FBXO4: variants seen among roughly 807,000 people sequenced by gnomAD.
The protein encoded by FBXO4 is F-box only protein 4.
A neutral mutation model predicts 43.7 loss-of-function variants in FBXO4; 36 were observed. The ratio of observed to expected loss-of-function variants is 0.82; its 90% CI spans 0.63 to 1.09. The LOEUF is 1.09. Ranked by LOEUF, FBXO4 falls within the 50% of genes least tolerant of loss-of-function variation. FBXO4 has a pLI of 0.00. For synonymous variants in FBXO4, 180 were observed against 165.6 expected (o/e 1.09, Z -0.67); for missense variants, 435 against 474.1 (o/e 0.92, Z 0.77).
At chr5:42,001,770 C>G in the FBXO4 span, among the ~76,000 whole-genome samples, 1 of 152,202 alleles carries the variant, frequency 6.6e-6, no homozygotes, top group Non-Finnish European at 1.5e-5. Context: ...CAACTCACTA[C>G]AAACTCTGCC....
chr5:41,930,674 T>TTTC (rs1751660324), intron 3 of FBXO4, among the ~76,000 whole-genome samples: 1 of 135,842 alleles, frequency 7.4e-6, no homozygotes, highest in African/African-American at 3.7e-5. Context: ...TTCTTTCTTT[T>TTTC]TTTTTTTTTT....
At chr5:42,037,029 G>A in the FBXO4 span, among the ~76,000 whole-genome samples, 6 of 152,118 alleles carry the variant, frequency 3.9e-5, no homozygotes, top group South Asian at 2.1e-4. Context: ...AAAAGGGAGC[G>A]CTCTCCAGCA....
intron 3 of FBXO4, among the ~76,000 whole-genome samples, chr5:41,930,678 T>C (rs1467877571): frequency 1.3e-5 from 2 of 150,928 alleles, no homozygotes; most frequent in African/African-American, 4.9e-5. Flanking sequence ...TTCTTTTTTT[T>C]TTTTTTTGAG....
chr5:41,995,873 A>G, the FBXO4 span, among the ~76,000 whole-genome samples: 2 of 152,330 alleles, frequency 1.3e-5, no homozygotes, highest in South Asian at 4.1e-4. Flanking sequence ...CTTTCTATGC[A>G]AAGTGCACAA....
At chr5:41,967,210 TGGCA>T in the FBXO4 span, 3 of 490,870 alleles carry the variant, frequency 6.1e-6, no homozygotes, top group Non-Finnish European at 1.2e-5. Flanking sequence ...TTTTTTTTTG[TGGCA>T]ATTATGGTAT....
the FBXO4 span, among the ~76,000 whole-genome samples, chr5:42,032,422 GCTGAGCTGGCA>G: frequency 6.6e-6 from 1 of 152,122 alleles, no homozygotes; most frequent in Non-Finnish European, 1.5e-5. Flanking sequence ...TTGCACTGCA[GCTGAGCTGGCA>G]CTCAATTCAC....
the FBXO4 span, among the ~76,000 whole-genome samples, chr5:41,991,894 C>A: frequency 6.6e-6 from 1 of 152,170 alleles, no homozygotes; most frequent in Non-Finnish European, 1.5e-5. Context: ...GACTGACCAA[C>A]ATGGAGAAAC....
intron 3 of FBXO4, among the ~76,000 whole-genome samples, chr5:41,933,210 A>G (rs1216009456): frequency 6.6e-6 from 1 of 151,966 alleles, no homozygotes; most frequent in Non-Finnish European, 1.5e-5. Flanking sequence ...TCTCTTGGCA[A>G]CTCCTCAGTA....
At chr5:42,030,827 C>G in the FBXO4 span, among the ~76,000 whole-genome samples, 4 of 152,184 alleles carry the variant, frequency 2.6e-5, no homozygotes, top group Admixed American at 2.6e-4. Flanking sequence ...CAAAAGAAGA[C>G]ATTTATGCAG....
the FBXO4 span, among the ~76,000 whole-genome samples, chr5:42,032,071 G>GTA: frequency 7.2e-6 from 1 of 138,294 alleles, no homozygotes; most frequent in Non-Finnish European, 1.5e-5. Flanking sequence ...GTGTGTGTGT[G>GTA]TGTGTGTGTG....
the FBXO4 span, among the ~76,000 whole-genome samples, chr5:41,953,294 A>G: frequency 1.3e-5 from 2 of 151,408 alleles, no homozygotes; most frequent in Non-Finnish European, 1.5e-5. Context: ...TTGATTTCCA[A>G]TTTCATCCAT....
At chr5:41,972,061 T>C in the FBXO4 span, among the ~76,000 whole-genome samples, 4 of 152,022 alleles carry the variant, frequency 2.6e-5, no homozygotes, top group African/African-American at 9.7e-5. Context: ...ATCACCTCTA[T>C]TCAACATAGT....
the FBXO4 span, among the ~76,000 whole-genome samples, chr5:42,002,465 T>A: frequency 6.6e-6 from 1 of 152,198 alleles, no homozygotes; most frequent in African/African-American, 2.4e-5. Context: ...AAACCATCAA[T>A]AGGAACTTTG....
chr5:42,021,161 G>C, the FBXO4 span, among the ~76,000 whole-genome samples: 5 of 152,112 alleles, frequency 3.3e-5, no homozygotes. Flanking sequence ...TTCTCTGGCT[G>C]CTATATAGAA....
At chr5:42,033,652 T>C in the FBXO4 span, among the ~76,000 whole-genome samples, 11 of 152,176 alleles carry the variant, frequency 7.2e-5, no homozygotes, top group Admixed American at 6.5e-5. Flanking sequence ...GTTCCTATGT[T>C]AGTTTGCTGA....
intron 3 of FBXO4, among the ~76,000 whole-genome samples, chr5:41,933,378 A>T (rs1751751294): frequency 6.6e-6 from 1 of 151,984 alleles, no homozygotes; most frequent in Non-Finnish European, 1.5e-5. Context: ...CCATGCCTGG[A>T]TAATTGTTTT....
chr5:41,929,271 C>T (rs1256121340), intron 2 of FBXO4, among the ~76,000 whole-genome samples: 1 of 152,180 alleles, frequency 6.6e-6, no homozygotes. Flanking sequence ...GCATCCTTGG[C>T]CTCTGCTAAC....
the FBXO4 span, among the ~76,000 whole-genome samples, chr5:41,969,989 A>G: frequency 1.4e-4 from 21 of 152,244 alleles, no homozygotes; most frequent in African/African-American, 3.8e-4. Context: ...TGGTTACTGT[A>G]TACAAAGCAA....
At chr5:42,022,040 T>C in the FBXO4 span, among the ~76,000 whole-genome samples, 1 of 152,130 alleles carries the variant, frequency 6.6e-6, no homozygotes, top group African/African-American at 2.4e-5. Context: ...TGGAAACACT[T>C]TGGGTACGTC....
Sources: allele counts gnomAD v4.1 joint callset (sites outside exome capture counted in the v4.1 genomes callset), GRCh38; gene constraint gnomAD v4.1.1; transcripts MANE v1.5; gene names NCBI Gene and HGNC (gene_info 2026-07-23, HGNC 2026-07-21).